The following PLD5 variants were observed in gnomAD, a reference collection of about 807,000 sequenced individuals.
PLD5 encodes the protein inactive phospholipase D5.
In PLD5, 36 loss-of-function variants were observed where a neutral mutation model predicts 61.1. The observed-to-expected ratio is 0.59, with a 90% confidence interval of 0.45 to 0.78. The LOEUF (loss-of-function observed/expected upper bound fraction) is 0.78. PLD5 is among the 30% of genes least tolerant of loss of function. The pLI is 0.00. For missense variants in PLD5, 515 were observed against 644.4 expected (o/e 0.80, Z 2.17); for synonymous variants, 243 against 242.8 (o/e 1.00, Z -0.01).
chr1:242,123,155 G>A (rs1481628056), intron 6 of PLD5, among the ~76,000 whole-genome samples: 4 of 152,146 alleles, frequency 2.6e-5, no homozygotes, highest in African/African-American at 7.2e-5. Context: ...TAATGACGCC[G>A]ACAGGTTCTT....
At chr1:242,114,604 C>T (rs1661797710) in intron 6 of PLD5, among the ~76,000 whole-genome samples, 1 of 152,216 alleles carries the variant, frequency 6.6e-6, no homozygotes, top group Non-Finnish European at 1.5e-5. Flanking sequence ...AGCCGCTCCC[C>T]CTTGCTCGCG....
At chr1:242,492,587 T>C (rs1668200358) in intron 1 of PLD5, among the ~76,000 whole-genome samples, 1 of 151,706 alleles carries the variant, frequency 6.6e-6, no homozygotes, top group South Asian at 2.1e-4. Context: ...TATTGCAAAC[T>C]ATAACAATGC....
intron 1 of PLD5, among the ~76,000 whole-genome samples, chr1:242,501,961 G>T (rs1668568384): frequency 6.6e-6 from 1 of 151,768 alleles, no homozygotes; most frequent in South Asian, 2.1e-4. Flanking sequence ...AACATATATT[G>T]ACTTGTATGA....
At chr1:242,120,108 A>C (rs1438814766) in intron 6 of PLD5, among the ~76,000 whole-genome samples, 1 of 152,198 alleles carries the variant, frequency 6.6e-6, no homozygotes, top group Non-Finnish European at 1.5e-5. Flanking sequence ...ATTTATATAA[A>C]ATATCCAGAA....
intron 4 of PLD5, among the ~76,000 whole-genome samples, chr1:242,250,990 G>C (rs910790855): frequency 1.3e-5 from 2 of 152,160 alleles, no homozygotes; most frequent in African/African-American, 4.8e-5. Flanking sequence ...GTTAGCTCTA[G>C]GTTTCTTTGC....
At chr1:242,380,809 A>G (rs190674843) in intron 1 of PLD5, among the ~76,000 whole-genome samples, 1 of 152,300 alleles carries the variant, frequency 6.6e-6, no homozygotes, top group East Asian at 1.9e-4. Context: ...GCTCAACATC[A>G]CTGATCATTA....
intron 1 of PLD5, among the ~76,000 whole-genome samples, chr1:242,491,180 A>G (rs6429360): frequency 0.15 from 22,685 of 152,216 alleles, 3,439 homozygotes; most frequent in African/African-American, 0.39. Context: ...TGAGTTCAGT[A>G]TACTTACCTA....
At chr1:242,308,433 A>C (rs1190955455) in intron 2 of PLD5, among the ~76,000 whole-genome samples, 1 of 152,238 alleles carries the variant, frequency 6.6e-6, no homozygotes, top group Non-Finnish European at 1.5e-5. Flanking sequence ...AAATGATGAG[A>C]GTGCAAGAGA....
chr1:242,286,956 G>C (rs1675061519), intron 3 of PLD5, among the ~76,000 whole-genome samples: 1 of 152,138 alleles, frequency 6.6e-6, no homozygotes, highest in African/African-American at 2.4e-5. Flanking sequence ...ATGGGCTGTG[G>C]TATGTTATTT....
At chr1:242,520,870 G>T (rs1312239751) in intron 1 of PLD5, among the ~76,000 whole-genome samples, 2 of 152,274 alleles carry the variant, frequency 1.3e-5, no homozygotes, top group South Asian at 2.1e-4. Flanking sequence ...CTCTTGCTTT[G>T]CTGGACCAGA....
intron 3 of PLD5, among the ~76,000 whole-genome samples, chr1:242,288,022 G>A (rs1336074174): frequency 6.6e-6 from 1 of 152,182 alleles, no homozygotes; most frequent in Non-Finnish European, 1.5e-5. Context: ...CTGTAAACAC[G>A]CTAGTTGGGC....
At position 242,124,640 on chromosome 1, in the gene PLD5, T is replaced by C. The variant is rs1306017356; in HGVS notation, c.761A>G (p.Tyr254Cys). ...GQMKELGVIFYNCSCLVLDLQ... is the reference protein window; with the variant it reads ...GQMKELGVIFCNCSCLVLDLQ... ...ATCTAGGACCAGGCAGCTGCAGTTG[T>C]AGAAGATGACACCGAGTTCTTTCAT... The change falls in exon 6 of 10, where the codon TAC (tyrosine) becomes TGC (cysteine). Residue 254 changes from tyrosine (Y) to cysteine (C), a missense_variant. By Grantham distance (194) the Tyr-to-Cys change is radical. This residue lies in a region of PLD5 where 450 missense variants were observed against 598.1 expected (regional missense o/e 0.75). Transcript: ENST00000536534. 1 of 1,613,678 alleles carries C rather than the reference T, an allele frequency of 6.2e-7. No individual in the cohort carries two copies.
chr1:242,176,651 A>G (rs577742139), intron 5 of PLD5, among the ~76,000 whole-genome samples: 1 of 152,342 alleles, frequency 6.6e-6, no homozygotes, highest in Non-Finnish European at 1.5e-5. Flanking sequence ...CAGGCAACCT[A>G]CAGAATGAGA....
At chr1:242,137,215 A>T (rs1663804429) in intron 5 of PLD5, among the ~76,000 whole-genome samples, 1 of 152,154 alleles carries the variant, frequency 6.6e-6, no homozygotes, top group Non-Finnish European at 1.5e-5. Context: ...AAGTTAGCTC[A>T]CTGTAACTTT....
chr1:242,230,568 A>T (rs967890771), intron 4 of PLD5, among the ~76,000 whole-genome samples: 1 of 152,198 alleles, frequency 6.6e-6, no homozygotes, highest in Non-Finnish European at 1.5e-5. Flanking sequence ...CAATTTAATT[A>T]CCAACATTTT....
intron 1 of PLD5, among the ~76,000 whole-genome samples, chr1:242,479,216 A>G (rs2102959618): frequency 6.6e-6 from 1 of 152,358 alleles, no homozygotes; most frequent in African/African-American, 2.4e-5. Flanking sequence ...CAATAGGCAC[A>G]AAACTGACTA....
chr1:242,211,140 T>C (rs1011968242), intron 5 of PLD5, among the ~76,000 whole-genome samples: 2 of 152,194 alleles, frequency 1.3e-5, no homozygotes, highest in Non-Finnish European at 2.9e-5. Flanking sequence ...AGATTTTCAA[T>C]GTAGACAAAA....
chr1:242,335,123 A>AT (rs909963018), intron 2 of PLD5, among the ~76,000 whole-genome samples: 2 of 151,490 alleles, frequency 1.3e-5, no homozygotes, highest in East Asian at 3.9e-4. Flanking sequence ...CTGTTATCCT[A>AT]TTTTTTTGTC....
intron 1 of PLD5, among the ~76,000 whole-genome samples, chr1:242,422,785 G>A (rs1277470131): frequency 4.6e-5 from 7 of 151,484 alleles, no homozygotes; most frequent in African/African-American, 9.7e-5. Context: ...AGCAGCAAAA[G>A]CTGAAGTTCC....
Sources: allele counts gnomAD v4.1 joint callset (sites outside exome capture counted in the v4.1 genomes callset), GRCh38; gene constraint gnomAD v4.1.1; regional missense constraint gnomAD v4.1.1; transcripts MANE v1.5; gene names NCBI Gene and HGNC (gene_info 2026-07-23, HGNC 2026-07-21).